NIN: variants seen among roughly 807,000 people sequenced by gnomAD.
NIN encodes the protein ninein.
In NIN, 137 loss-of-function variants were observed where a neutral mutation model predicts 257.6. The observed-to-expected ratio is 0.53, with a 90% CI of 0.46 to 0.61. The LOEUF is 0.61. Among genes scored for constraint, NIN ranks in the 20% least tolerant of loss-of-function variants. The pLI, the probability that NIN is intolerant of heterozygous loss-of-function variation, is 0.00. For missense variants in NIN, 2,439 were observed against 2,501.2 expected (o/e 0.98, Z 0.53); for synonymous variants, 918 against 919.8 (o/e 1.00, Z 0.04).
chr14:50,736,929 G>C (rs1202042286), intron 27 of NIN, among the ~76,000 whole-genome samples: 2 of 152,170 alleles, frequency 1.3e-5, no homozygotes, highest in East Asian at 1.9e-4. Flanking sequence ...TGAGAAGTCT[G>C]GTCTAGAACT....
At chr14:50,747,469 C>A (rs1005717513) in intron 22 of NIN, among the ~76,000 whole-genome samples, 1 of 152,152 alleles carries the variant, frequency 6.6e-6, no homozygotes, top group Non-Finnish European at 1.5e-5. Flanking sequence ...TGCAGTGGCC[C>A]GCGCCTGTAA....
intron 5 of NIN, among the ~76,000 whole-genome samples, chr14:50,789,314 C>T (rs2043479591): frequency 6.6e-6 from 1 of 152,164 alleles, no homozygotes; most frequent in African/African-American, 2.4e-5. Flanking sequence ...GTGGCTCACG[C>T]CTGTAATCCC....
At chr14:50,759,009 G>A (rs1219839227) in intron 17 of NIN, among the ~76,000 whole-genome samples, 1 of 152,138 alleles carries the variant, frequency 6.6e-6, no homozygotes, top group Non-Finnish European at 1.5e-5. Flanking sequence ...AATTAAGCAT[G>A]CGTTATAGGA....
chr14:50,800,576 T>C (rs1291109999), intron 4 of NIN, among the ~76,000 whole-genome samples: 1 of 152,198 alleles, frequency 6.6e-6, no homozygotes, highest in African/African-American at 2.4e-5. Flanking sequence ...TAGCATAAAA[T>C]CTGAGAGTAG....
intron 3 of NIN, among the ~76,000 whole-genome samples, chr14:50,809,511 G>A (rs1229807033): frequency 6.6e-6 from 1 of 152,078 alleles, no homozygotes; most frequent in Non-Finnish European, 1.5e-5. Flanking sequence ...ACATGAAGAA[G>A]GTTCTCTTTC....
Position 50,741,622 on chromosome 14 carries a change from ACTT to A in NIN, c.5405_5407del (p.Glu1802del). 1 of 1,614,146 alleles carries A rather than the reference ACTT, an allele frequency of 6.2e-7. No homozygotes were observed. The highest frequency in any genetic ancestry group is 8.5e-7 in the Non-Finnish European group (1 of 1,180,004). ...CTGAAGTTGCTTATGTAAAGACATC[ACTT>A]CTTGTTTTAAAGCCTCCTTTTCCTG... On this transcript the variant is annotated inframe_deletion, in exon 25 of 31. Transcript: ENST00000530997.
intron 27 of NIN, among the ~76,000 whole-genome samples, chr14:50,735,892 C>T (rs552123583): frequency 4.6e-5 from 7 of 152,254 alleles, no homozygotes; most frequent in South Asian, 2.1e-4. Flanking sequence ...TATCTTACAA[C>T]GCAGTACACA....
At chr14:50,818,872 TAAC>T (rs1306515658) in intron 3 of NIN, among the ~76,000 whole-genome samples, 6 of 141,008 alleles carry the variant, frequency 4.3e-5, no homozygotes, top group African/African-American at 1.6e-4. Context: ...TTACTTTCAT[TAAC>T]AACTATTAAA....
At chr14:50,792,661 G>A (rs776818436) in intron 5 of NIN, 51 bp downstream of exon 5, 18 of 1,603,986 alleles carry the variant, frequency 1.1e-5, no homozygotes, top group Admixed American at 1.7e-5. Flanking sequence ...CTGCACTGAC[G>A]TGGGGCTCCA....
chr14:50,827,069 T>C (rs1344335646), intron 2 of NIN, among the ~76,000 whole-genome samples: 4 of 152,202 alleles, frequency 2.6e-5, no homozygotes, highest in Admixed American at 1.3e-4. Flanking sequence ...AGTCGGAGCC[T>C]AATAACGCCA....
At chr14:50,745,573 G>A (rs74674206) in intron 22 of NIN, among the ~76,000 whole-genome samples, 5,513 of 152,240 alleles carry the variant, frequency 0.036, 103 homozygotes, top group Non-Finnish European at 0.048. Flanking sequence ...CAGACTTTCA[G>A]GGTTCAATCT....
chr14:50,737,004 TAGCC>T (rs1422455561), intron 27 of NIN, among the ~76,000 whole-genome samples: 4 of 151,888 alleles, frequency 2.6e-5, no homozygotes, highest in African/African-American at 9.7e-5. Context: ...GACCAGGGGG[TAGCC>T]AGCCTCCAAG....
chr14:50,727,526 CAT>C (rs2040468755), intron 29 of NIN: 7 of 1,233,158 alleles, frequency 5.7e-6, no homozygotes, highest in Middle Eastern at 3.4e-4. Context: ...AAATAAGAGA[CAT>C]AATACTGCAA....
In NIN at chr14:50,727,874, G is replaced by A; in HGVS notation, c.6078+1649C>T. On this transcript the variant is annotated intron_variant, in intron 29 of 30. Transcript: ENST00000530997. ...AAAGCACACACATTAACACTACATA[G>A]GCAAGCAAAGCAACACAAAATGCAG... 4.4e-6 allele frequency: 3 copies of A among 683,376 alleles called. No homozygotes were observed. The South Asian group carries it at 4.5e-5, about 10-fold the overall frequency. The allele number at this position is 683,376 out of a possible 1,614,324, so 42.3% of individuals were successfully genotyped here.
intron 5 of NIN, among the ~76,000 whole-genome samples, chr14:50,786,466 C>T (rs2141969327): frequency 6.6e-6 from 1 of 152,222 alleles, no homozygotes; most frequent in South Asian, 2.1e-4. Context: ...GACACTAAAG[C>T]CTAAAAGTAT....
intron 25 of NIN, among the ~76,000 whole-genome samples, chr14:50,741,178 C>T (rs542489921): frequency 1.3e-5 from 2 of 152,252 alleles, no homozygotes; most frequent in South Asian, 4.1e-4. Context: ...TTTAAGGTCA[C>T]ACAAATACTT....
At chr14:50,776,315 G>A (rs2042921750) in intron 7 of NIN, among the ~76,000 whole-genome samples, 3 of 152,110 alleles carry the variant, frequency 2.0e-5, no homozygotes, top group South Asian at 2.1e-4. Flanking sequence ...GTCTTTTGGG[G>A]GCTCCTTCAA....
chr14:50,735,191 T>C (rs1209929207), intron 28 of NIN, among the ~76,000 whole-genome samples: 1 of 152,200 alleles, frequency 6.6e-6, no homozygotes, highest in African/African-American at 2.4e-5. Context: ...ATCAGTGAAC[T>C]GGTATAAACA....
At position 50,725,853 on chromosome 14, in the gene NIN, G is replaced by C. The variant is rs60995653; in HGVS notation, c.6192+100C>G. 9.2e-3 allele frequency: 14,733 copies of C among 1,594,070 alleles called. 1,083 individuals carry two copies. The African/African-American group carries it at 0.17, about 18-fold the overall frequency. On this transcript the variant is annotated intron_variant, in intron 30 of 30. Transcript: ENST00000530997. ...TTTATAATAGAATTTGCCTTTATTAGACAACATAAGTTAACGAGTTAATGG... is the reference window on the plus strand; with the variant it reads ...TTTATAATAGAATTTGCCTTTATTACACAACATAAGTTAACGAGTTAATGG...
Sources: allele counts gnomAD v4.1 joint callset (sites outside exome capture counted in the v4.1 genomes callset), GRCh38; gene constraint gnomAD v4.1.1; transcripts MANE v1.5; gene names NCBI Gene and HGNC (gene_info 2026-07-23, HGNC 2026-07-21).